The following SCN9A variants were observed in gnomAD, a reference collection of about 807,000 sequenced individuals.
SCN9A encodes sodium channel protein type 9 subunit alpha.
Under a neutral mutation model 187.0 loss-of-function variants are expected in SCN9A, and 131 were observed. That is an observed-to-expected ratio of 0.70 (90% confidence interval 0.61 to 0.81). The LOEUF (loss-of-function observed/expected upper bound fraction) is 0.81. SCN9A is among the 30% of genes least tolerant of loss of function. SCN9A has a pLI of 0.00. For synonymous variants in SCN9A, 809 were observed against 808.6 expected (o/e 1.00, Z -0.01); for missense variants, 2,252 against 2,396.6 (o/e 0.94, Z 1.26).
intron 11 of SCN9A, among the ~76,000 whole-genome samples, chr2:166,286,107 A>G (rs552391117): frequency 6.6e-6 from 1 of 152,288 alleles, no homozygotes; most frequent in South Asian, 2.1e-4. Context: ...TTAGTTTATT[A>G]GAGAATATAT....
intron 24 of SCN9A, chr2:166,205,283 A>C (rs571298525): frequency 6.6e-6 from 1 of 152,416 alleles, no homozygotes; most frequent in East Asian, 1.9e-4. Flanking sequence ...TACAGTAACC[A>C]AAACAGCATG....
At chr2:166,348,897 G>A (rs569835399) in intron 1 of SCN9A, among the ~76,000 whole-genome samples, 6 of 152,156 alleles carry the variant, frequency 3.9e-5, no homozygotes, top group African/African-American at 1.4e-4. Flanking sequence ...AGGCAGAGGT[G>A]GGCAGATCAC....
intron 24 of SCN9A, among the ~76,000 whole-genome samples, chr2:166,225,597 G>A (rs1273352891): frequency 6.6e-6 from 1 of 152,158 alleles, no homozygotes; most frequent in Non-Finnish European, 1.5e-5. Flanking sequence ...GATGTTATGG[G>A]TTGGATTGTG....
chr2:166,354,472 T>A (rs1700108244), intron 1 of SCN9A, among the ~76,000 whole-genome samples: 1 of 152,022 alleles, frequency 6.6e-6, no homozygotes, highest in African/African-American at 2.4e-5. Flanking sequence ...ATTACACAAA[T>A]CCCAAAGTTT....
intron 1 of SCN9A, among the ~76,000 whole-genome samples, chr2:166,351,679 T>A (rs188522328): frequency 1.3e-5 from 2 of 152,150 alleles, no homozygotes; most frequent in Non-Finnish European, 2.9e-5. Context: ...ACCATCCAAG[T>A]CATTAGTCTT....
chr2:166,351,041 A>G (rs1700022421), intron 1 of SCN9A, among the ~76,000 whole-genome samples: 2 of 152,152 alleles, frequency 1.3e-5, no homozygotes, highest in African/African-American at 4.8e-5. Flanking sequence ...GCACAGACGC[A>G]CACACAGACA....
intron 17 of SCN9A, among the ~76,000 whole-genome samples, chr2:166,252,880 A>G (rs898016044): frequency 2.0e-5 from 3 of 151,940 alleles, no homozygotes; most frequent in Non-Finnish European, 4.4e-5. Flanking sequence ...CAGCATATCA[A>G]TGGAAGAGTT....
In SCN9A at chr2:166,311,562, G is replaced by T; in HGVS notation, c.195C>A (p.Asp65Glu). 1 of 1,612,904 alleles carries T rather than the reference G, an allele frequency of 6.2e-7. No homozygotes were observed. The highest frequency in any genetic ancestry group is 1.1e-5 in the South Asian group (1 of 90,956). The change falls in exon 2 of 27, where the codon GAC becomes GAA. Residue 65 changes from aspartate (D) to glutamate (E), a missense_variant. This residue lies in a region of SCN9A where 1,013 missense variants were observed against 997.4 expected (regional missense o/e 1.02). Transcript: ENST00000642356. Reference sequence around the variant, plus strand: ...GCTCTGACACCATGCCGGGAGGAATGTCCCCATAGATGAAGGGCAGCTGTT... The same window carrying T: ...GCTCTGACACCATGCCGGGAGGAATTTCCCCATAGATGAAGGGCAGCTGTT... ...AGKQLPFIYGDIPPGMVSEPL... is the reference protein window; with the variant it reads ...AGKQLPFIYGEIPPGMVSEPL...
rs531886773 is a variant in SCN9A at position 166,337,698 on chromosome 2, A to C, written c.-50-25892T>G. On this transcript the variant is annotated intron_variant, in intron 1 of 26. Coordinates refer to ENST00000642356, the MANE Select transcript of SCN9A (RefSeq NM_001365536.1). ...GATATGGTCGTATGTATATTTCTAA[A>C]GGCTGAAAAGTGCAAGCCAGGCTAC... Among the ~76,000 whole-genome samples the C allele has an allele frequency of 3.3e-5, 5 of 152,272 alleles. No homozygotes were observed. In the South Asian group the frequency reaches 8.3e-4, roughly 25 times the overall value.
At chr2:166,222,391 A>T (rs1366060977) in intron 24 of SCN9A, among the ~76,000 whole-genome samples, 1 of 152,200 alleles carries the variant, frequency 6.6e-6, no homozygotes, top group Non-Finnish European at 1.5e-5. Context: ...GCACTTTGGG[A>T]GGCCAAGGTG....
At chr2:166,306,033 G>T in intron 4 of SCN9A, 113 bp from the exon 5 acceptor site, 2 of 1,271,340 alleles carry the variant, frequency 1.6e-6, no homozygotes, top group Non-Finnish European at 2.2e-6. Flanking sequence ...TTGGAGGATG[G>T]CTGTTGGGTT....
intron 18 of SCN9A, among the ~76,000 whole-genome samples, chr2:166,247,988 C>A (rs903122048): frequency 2.0e-5 from 3 of 151,860 alleles, no homozygotes; most frequent in Non-Finnish European, 2.9e-5. Context: ...AACAACCTTG[C>A]ATAAGAGGGA....
chr2:166,197,689 G>A lies in SCN9A; in HGVS notation c.*983C>T, dbSNP rs896019097. On this transcript the variant is annotated 3_prime_UTR_variant, in exon 27 of 27. Coordinates refer to ENST00000642356, the MANE Select transcript of SCN9A (RefSeq NM_001365536.1). ...CAAACAACTAACTGCATATCAGGAA[G>A]GATTTCATCAACTTTGCTTACAGCG... The A allele has an allele frequency of 6.6e-6, 1 of 152,114 alleles. No homozygotes were observed. Among genetic ancestry groups the A allele is most frequent in the Non-Finnish European group, 1.5e-5 (1 of 68,004 alleles). 9.4% of individuals were successfully genotyped at this position (152,114 alleles called of 1,614,324 possible).
chr2:166,284,971 T>TGA (rs1697673411), intron 11 of SCN9A, 147 bp from the exon 12 acceptor site: 3 of 837,394 alleles, frequency 3.6e-6, no homozygotes, highest in Non-Finnish European at 5.4e-6. Flanking sequence ...AGCAATTCAG[T>TGA]GAGAAGAAAA....
chr2:166,372,060 G>C (rs1019520712), intron 1 of SCN9A, among the ~76,000 whole-genome samples: 2 of 150,316 alleles, frequency 1.3e-5, no homozygotes, highest in African/African-American at 4.9e-5. Flanking sequence ...AAATAAAGGG[G>C]GGAGGCAAAT....
rs1054820916 is a variant in SCN9A, at chr2:166,229,877, A to G, written c.3925-905T>C. 3.3e-5 allele frequency among the ~76,000 whole-genome samples: 5 copies of G among 152,240 alleles called. No individual in the cohort carries two copies. The South Asian group carries it at 8.3e-4, about 25-fold the overall frequency. On this transcript the variant is annotated intron_variant, in intron 21 of 26. Coordinates refer to ENST00000642356, the MANE Select transcript of SCN9A (RefSeq NM_001365536.1). ...TTATTTACTTAATCTTTCAAAACCT[A>G]CCTGTCATCTTACACTTCAGCTTGA...
intron 17 of SCN9A, chr2:166,259,182 G>T (rs933427463): frequency 3.3e-5 from 5 of 151,592 alleles, no homozygotes; most frequent in African/African-American, 9.7e-5. Context: ...AAAAAATATC[G>T]TATGTATGAT....
chr2:166,313,807 T>G (rs781124123), intron 1 of SCN9A, among the ~76,000 whole-genome samples: 1 of 152,234 alleles, frequency 6.6e-6, no homozygotes, highest in Non-Finnish European at 1.5e-5. Context: ...ATCTTGGCTT[T>G]CAACATGCCT....
intron 24 of SCN9A, among the ~76,000 whole-genome samples, chr2:166,225,535 G>GTA (rs1476127204): frequency 1.3e-5 from 2 of 152,030 alleles, no homozygotes; most frequent in Non-Finnish European, 2.9e-5. Context: ...CTTAACCTCT[G>GTA]TGTGCCTTTC....
Sources: gnomAD v4.1 joint callset for allele counts (sites outside exome capture counted in the v4.1 genomes callset) on GRCh38, gnomAD v4.1.1 for gene constraint, gnomAD v4.1.1 regional missense constraint, MANE v1.5 for transcripts, NCBI Gene and HGNC (gene_info 2026-07-23, HGNC 2026-07-21) for gene names.